Variants in SLC6A6 observed in about 807,000 individuals in gnomAD.
SLC6A6 encodes the protein sodium- and chloride-dependent taurine transporter.
Under a neutral mutation model 68.8 loss-of-function variants are expected in SLC6A6, and 16 were observed. That is an observed-to-expected ratio of 0.23 (90% CI 0.16 to 0.35). SLC6A6 has a LOEUF of 0.35. Among genes scored for constraint, SLC6A6 ranks in the 10% least tolerant of loss-of-function variants. The probability of loss-of-function intolerance (pLI) is 1.00; values close to 1 mark genes in which losing one functional copy is unlikely to be tolerated. For missense variants in SLC6A6, 474 were observed against 802.8 expected, an observed-to-expected ratio of 0.59 and a Z score of 4.95; for synonymous variants, 312 against 315.4, an observed-to-expected ratio of 0.99 and a Z score of 0.12.
intron 6 of SLC6A6, among the ~76,000 whole-genome samples, chr3:14,464,725 GCACC>G (rs1700576794): frequency 6.6e-6 from 1 of 152,156 alleles, no homozygotes; most frequent in South Asian, 2.1e-4. Flanking sequence ...CCCTGGCACT[GCACC>G]CCCAACTCCA....
At chr3:14,459,310 G>C (rs1700442142) in intron 6 of SLC6A6, among the ~76,000 whole-genome samples, 1 of 152,224 alleles carries the variant, frequency 6.6e-6, no homozygotes, top group African/African-American at 2.4e-5. Flanking sequence ...GGAATTGAGG[G>C]TTGAGGAATG....
chr3:14,442,377 G>A (rs920437171), intron 2 of SLC6A6, among the ~76,000 whole-genome samples: 5 of 152,180 alleles, frequency 3.3e-5, no homozygotes, highest in African/African-American at 1.2e-4. Flanking sequence ...CTCAGAGAGG[G>A]GCGAGTAGGC....
At position 14,433,809 on chromosome 3, in the gene SLC6A6, A is replaced by G. The variant is rs1182808940; in HGVS notation, c.-11-9815A>G. Among the ~76,000 whole-genome samples the G allele has an allele frequency of 8.8e-4, 132 of 150,132 alleles. 2 individuals are homozygous for G. The highest frequency in any genetic ancestry group is 3.9e-3 in the East Asian group (20 of 5,134). ...CAGAGCTAGACTCTGTCTCAAAAAAAAAAAAAAAAAAAAAAAAAAGTCATA... is the reference window on the plus strand; with the variant it reads ...CAGAGCTAGACTCTGTCTCAAAAAAGAAAAAAAAAAAAAAAAAAAGTCATA... On this transcript the variant is annotated intron_variant, in intron 2 of 14. Transcript: ENST00000622186.
rs1015617246 is a variant in SLC6A6 at position 14,488,090 on chromosome 3, T to C, written c.*3083T>C. 4 of 152,630 alleles carry C rather than the reference T, an allele frequency of 2.6e-5. No individual in the cohort carries two copies. The highest frequency in any genetic ancestry group is 9.7e-5 in the African/African-American group (4 of 41,390). The allele number at this position is 152,630 out of a possible 1,614,324, so 9.5% of individuals were successfully genotyped here. A position where few individuals can be genotyped will look rare whatever the true frequency, so the allele number is the denominator to read the frequency against. The stretch of plus-strand genomic sequence containing the variant: ...CCAGCAGCCCTTGGTGAGCTAGGAA[T>C]TGAGATCCCTGTTTGTGAAAGAGGG... On this transcript the variant is annotated 3_prime_UTR_variant, in exon 15 of 15. Coordinates refer to ENST00000622186, the MANE Select transcript of SLC6A6 (RefSeq NM_003043.6).
chr3:14,453,197 C>T (rs989196621), intron 5 of SLC6A6, among the ~76,000 whole-genome samples: 6 of 152,196 alleles, frequency 3.9e-5, no homozygotes, highest in Admixed American at 2.0e-4. Flanking sequence ...GCTAGGAGGA[C>T]GTATTTACAT....
Position 14,464,493 on chromosome 3 carries a change from A to G in SLC6A6, c.733-2023A>G, listed in dbSNP as rs547880701. 5.9e-5 allele frequency among the ~76,000 whole-genome samples: 9 copies of G among 152,360 alleles called. No individual in the cohort carries two copies. In the East Asian group the frequency reaches 9.6e-4, roughly 16 times the overall value. ...GTGCTAGGCACACAGTAAGTGCTCA[A>G]TAAACGCTGCCTAGGGGTTGTTGGG... is the stretch of plus-strand genomic sequence containing the variant. On this transcript the variant is annotated intron_variant, in intron 6 of 14. Coordinates refer to ENST00000622186, the MANE Select transcript of SLC6A6 (RefSeq NM_003043.6).
At chr3:14,411,282 G>C (rs1699247147) in intron 1 of SLC6A6, 7 of 152,294 alleles carry the variant, frequency 4.6e-5, no homozygotes, top group Admixed American at 4.6e-4. Context: ...TTTGTAGTCT[G>C]GCTGGTTTCT....
intron 1 of SLC6A6, among the ~76,000 whole-genome samples, chr3:14,413,102 G>A (rs977085660): frequency 1.3e-5 from 2 of 152,254 alleles, no homozygotes; most frequent in Non-Finnish European, 2.9e-5. Flanking sequence ...CTGGGTCACT[G>A]TGTCCGGACA....
At chr3:14,454,669 G>A (rs1422919814) in intron 5 of SLC6A6, among the ~76,000 whole-genome samples, 1 of 152,170 alleles carries the variant, frequency 6.6e-6, no homozygotes, top group Non-Finnish European at 1.5e-5. Flanking sequence ...CCGTTATAAA[G>A]CTTTTCAAGA....
rs1167189859 is a variant in SLC6A6 at position 14,468,346 on chromosome 3, G to T, written c.1096+134G>T. The T allele has an allele frequency of 4.5e-6, 3 of 660,576 alleles. No individual in the cohort carries two copies. The highest frequency in any genetic ancestry group is 6.9e-6 in the Non-Finnish European group (3 of 436,884). The allele number at this position is 660,576 out of a possible 1,614,324, so 40.9% of individuals were successfully genotyped here. ...GGTTTCTAAAATGGACCCCCCCCCC[G>T]CCACCAAGATATCCCCCAAATTTCA... On this transcript the variant is annotated intron_variant, in intron 9 of 14. Coordinates refer to ENST00000622186, the MANE Select transcript of SLC6A6 (RefSeq NM_003043.6). The surrounding 1 kb of genome is among the most constrained non-coding windows in gnomAD (Gnocchi z 4.5).
intron 1 of SLC6A6, among the ~76,000 whole-genome samples, chr3:14,408,038 T>C (rs1699149840): frequency 6.6e-6 from 1 of 152,158 alleles, no homozygotes; most frequent in Non-Finnish European, 1.5e-5. Context: ...ATTTGGGTTG[T>C]TTCCAGCTGG....
At chr3:14,458,554 A>G (rs1286204363) in intron 6 of SLC6A6, among the ~76,000 whole-genome samples, 1 of 152,266 alleles carries the variant, frequency 6.6e-6, no homozygotes, top group Non-Finnish European at 1.5e-5. Flanking sequence ...GGCCACAAGC[A>G]TTCCCATCAG....
At chr3:14,422,340 A>G (rs542404161) in intron 2 of SLC6A6, among the ~76,000 whole-genome samples, 1 of 152,168 alleles carries the variant, frequency 6.6e-6, no homozygotes, top group Admixed American at 6.5e-5. Flanking sequence ...CAAGTCACTA[A>G]CCCTCTGTGT....
chr3:14,457,147 T>C (rs1300916871), intron 5 of SLC6A6, among the ~76,000 whole-genome samples: 2 of 152,062 alleles, frequency 1.3e-5, no homozygotes, highest in Non-Finnish European at 2.9e-5. Flanking sequence ...TCAGCTCGGA[T>C]TGGTGGGAGG....
At chr3:14,446,336 C>G (rs1042919413) in intron 4 of SLC6A6, among the ~76,000 whole-genome samples, 28 of 152,296 alleles carry the variant, frequency 1.8e-4, no homozygotes, top group African/African-American at 5.8e-4. Context: ...ACCACGTATT[C>G]TTGCTTATAG....
intron 5 of SLC6A6, among the ~76,000 whole-genome samples, chr3:14,457,277 C>A (rs1700391266): frequency 6.6e-6 from 1 of 152,142 alleles, no homozygotes; most frequent in Non-Finnish European, 1.5e-5. Flanking sequence ...CCCTCAAAAC[C>A]CTGGCAGGGC....
intron 6 of SLC6A6, 89 bp downstream of exon 6, chr3:14,458,171 C>T: frequency 4.9e-6 from 6 of 1,226,702 alleles, no homozygotes; most frequent in South Asian, 1.2e-5. Flanking sequence ...ATTAGCCACG[C>T]CCCAAGAGGG....
In SLC6A6 at chr3:14,472,134, C is replaced by T. The variant is rs1290283306; in HGVS notation, c.1097-71C>T. On this transcript the variant is annotated intron_variant, in intron 9 of 14. Coordinates refer to ENST00000622186, the MANE Select transcript of SLC6A6 (RefSeq NM_003043.6). The surrounding 1 kb of genome is among the most constrained non-coding windows in gnomAD (Gnocchi z 4.5). Reference sequence around the variant, plus strand: ...TGGGTCTGAGTGTCTTTGTGTGAGCCCAGGGTTCCCAGTGGCTTGGTGGCT... The same window carrying T: ...TGGGTCTGAGTGTCTTTGTGTGAGCTCAGGGTTCCCAGTGGCTTGGTGGCT... 1 of 920,396 alleles carries T rather than the reference C, an allele frequency of 1.1e-6. No homozygotes were observed. The highest frequency in any genetic ancestry group is 1.8e-6 in the Non-Finnish European group (1 of 558,364). The allele number at this position is 920,396 out of a possible 1,614,324, so 57.0% of individuals were successfully genotyped here. A position where few individuals can be genotyped will look rare whatever the true frequency, so the allele number is the denominator to read the frequency against.
At chr3:14,434,361 G>A (rs1191211457) in intron 2 of SLC6A6, among the ~76,000 whole-genome samples, 2 of 152,332 alleles carry the variant, frequency 1.3e-5, no homozygotes, top group East Asian at 3.9e-4. Context: ...CACCTCCGCA[G>A]AGGGGCCTAC....
Sources: gnomAD v4.1 joint callset for allele counts (sites outside exome capture counted in the v4.1 genomes callset) on GRCh38, gnomAD v4.1.1 for gene constraint, Gnocchi (gnomAD v3.1) non-coding constraint, MANE v1.5 for transcripts, NCBI Gene and HGNC (gene_info 2026-07-23, HGNC 2026-07-21) for gene names.